The following PDZD2 variants were observed in gnomAD, a reference collection of about 807,000 sequenced individuals.
The protein encoded by PDZD2 is PDZ domain-containing protein 2.
Under a neutral mutation model 220.7 loss-of-function variants are expected in PDZD2, and 90 were observed. The observed-to-expected ratio is 0.41, with a 90% CI of 0.34 to 0.49. The LOEUF (loss-of-function observed/expected upper bound fraction) is 0.49. Among genes scored for constraint, PDZD2 ranks in the 20% least tolerant of loss-of-function variants. PDZD2 has a pLI of 0.28. For missense variants in PDZD2, 3,174 were observed against 3,608.5 expected, an observed-to-expected ratio of 0.88 and a Z score of 3.08; for synonymous variants, 1,375 against 1,450.5, an observed-to-expected ratio of 0.95 and a Z score of 1.18.
chr5:31,734,664 T>C lies in PDZD2; in HGVS notation c.-360-64225T>C, dbSNP rs374334753. The stretch of plus-strand genomic sequence containing the variant: ...GCCTCATTATGAGGCTTGATTGACC[T>C]TTGGCTTCATTGACCATTGGTGACC... On this transcript the variant is annotated intron_variant, in intron 1 of 24. Transcript: ENST00000438447. Among the ~76,000 whole-genome samples, 6 of 152,194 alleles carry C rather than the reference T, an allele frequency of 3.9e-5. No individual in the cohort carries two copies. In the East Asian group the frequency reaches 9.7e-4, roughly 25 times the overall value.
chr5:31,681,405 C>T (rs1746645292), intron 1 of PDZD2, among the ~76,000 whole-genome samples: 1 of 152,048 alleles, frequency 6.6e-6, no homozygotes, highest in South Asian at 2.1e-4. Context: ...TGTCACCATA[C>T]CCAGCTAATT....
chr5:32,066,742 C>G (rs574181107), intron 14 of PDZD2, among the ~76,000 whole-genome samples: 1 of 152,214 alleles, frequency 6.6e-6, no homozygotes, highest in African/African-American at 2.4e-5. Flanking sequence ...ATGATTTGTT[C>G]AGAGGTCTAG....
At chr5:31,913,804 A>G (rs1743416847) in intron 2 of PDZD2, among the ~76,000 whole-genome samples, 1 of 152,130 alleles carries the variant, frequency 6.6e-6, no homozygotes, top group South Asian at 2.1e-4. Context: ...GAAGGATTTT[A>G]GTTTGCATTT....
chr5:32,030,518 G>A (rs1755038245), intron 6 of PDZD2, among the ~76,000 whole-genome samples: 1 of 152,212 alleles, frequency 6.6e-6, no homozygotes, highest in African/African-American at 2.4e-5. Flanking sequence ...TTTACCTGCT[G>A]CTTAAATTAG....
intron 2 of PDZD2, among the ~76,000 whole-genome samples, chr5:31,829,904 C>T (rs543445772): frequency 2.6e-5 from 4 of 151,808 alleles, no homozygotes; most frequent in South Asian, 4.2e-4. Flanking sequence ...AAAAATTAGC[C>T]GAGTGTGGTG....
chr5:32,065,151 T>A (rs1369556084), intron 14 of PDZD2, among the ~76,000 whole-genome samples: 2 of 151,904 alleles, frequency 1.3e-5, no homozygotes, highest in Non-Finnish European at 2.9e-5. Flanking sequence ...AATACAAAAA[T>A]TAGCCAGTGT....
chr5:31,686,338 A>C (rs1746858787), intron 1 of PDZD2, among the ~76,000 whole-genome samples: 1 of 151,822 alleles, frequency 6.6e-6, no homozygotes, highest in South Asian at 2.1e-4. Context: ...ATATCTATAT[A>C]CATATTTTAA....
At chr5:31,767,422 A>G (rs1580715785) in intron 1 of PDZD2, among the ~76,000 whole-genome samples, 4 of 152,354 alleles carry the variant, frequency 2.6e-5, no homozygotes, top group African/African-American at 9.6e-5. Context: ...GGCAGTTCTC[A>G]GATGTGTCTG....
intron 1 of PDZD2, among the ~76,000 whole-genome samples, chr5:31,796,078 A>G (rs1419674270): frequency 6.6e-6 from 1 of 152,138 alleles, no homozygotes; most frequent in Non-Finnish European, 1.5e-5. Flanking sequence ...CAGTGATTGG[A>G]CATCAGATCC....
chr5:31,682,352 C>G (rs558411193), intron 1 of PDZD2, among the ~76,000 whole-genome samples: 2 of 152,238 alleles, frequency 1.3e-5, no homozygotes, highest in East Asian at 1.9e-4. Context: ...GGCAAACTGT[C>G]CCCCGGGAGA....
intron 2 of PDZD2, among the ~76,000 whole-genome samples, chr5:31,865,561 C>G (rs1738136747): frequency 6.6e-6 from 1 of 150,554 alleles, no homozygotes; most frequent in Admixed American, 6.6e-5. Flanking sequence ...ATCCTCCTGC[C>G]TCAGGTTCCC....
chr5:31,841,036 C>T (rs7730102), intron 2 of PDZD2: 3,812 of 314,764 alleles, frequency 0.012, 145 homozygotes, highest in African/African-American at 0.076. Flanking sequence ...TTTTGGTTTA[C>T]GTTTTAAAGT....
intron 9 of PDZD2, among the ~76,000 whole-genome samples, chr5:32,053,179 A>G (rs560844379): frequency 6.6e-6 from 1 of 152,352 alleles, no homozygotes; most frequent in East Asian, 1.9e-4. Context: ...TGCTAGGGCC[A>G]GAACCAAGGG....
intron 2 of PDZD2, among the ~76,000 whole-genome samples, chr5:31,930,819 C>T (rs1745215652): frequency 6.6e-6 from 1 of 152,082 alleles, no homozygotes; most frequent in South Asian, 2.1e-4. Flanking sequence ...CCTGTAATCC[C>T]AGTACTTTGG....
At position 32,062,605 on chromosome 5, in the gene PDZD2, G is replaced by T. The variant is rs541076936; in HGVS notation, c.2451+1471G>T. Among the ~76,000 whole-genome samples the T allele has an allele frequency of 3.9e-5, 6 of 152,092 alleles. 1 individual carries two copies. The highest frequency in any genetic ancestry group is 2.6e-4 in the Admixed American group (4 of 15,278). On this transcript the variant is annotated intron_variant, in intron 14 of 24. Transcript: ENST00000438447. ...GATGGGGTTTCACCATGTTGCCCAGGCTGGTCTCGAACTCCTGAGCTCAAG... is the reference window on the plus strand; with the variant it reads ...GATGGGGTTTCACCATGTTGCCCAGTCTGGTCTCGAACTCCTGAGCTCAAG...
intron 2 of PDZD2, among the ~76,000 whole-genome samples, chr5:31,907,873 A>C (rs1318189110): frequency 6.6e-6 from 1 of 152,074 alleles, no homozygotes; most frequent in Non-Finnish European, 1.5e-5. Context: ...TTACGAAGTC[A>C]GGAGTTCGAG....
chr5:31,949,610 G>T (rs1281098712), intron 2 of PDZD2, among the ~76,000 whole-genome samples: 1 of 151,266 alleles, frequency 6.6e-6, no homozygotes, highest in Non-Finnish European at 1.5e-5. Context: ...GTGTTCTTCG[G>T]GGTTAAGCAC....
intron 2 of PDZD2, among the ~76,000 whole-genome samples, chr5:31,802,032 G>T (rs1754423280): frequency 6.6e-6 from 1 of 152,146 alleles, no homozygotes; most frequent in African/African-American, 2.4e-5. Flanking sequence ...GGAATAGAAG[G>T]TGATGGGCCA....
intron 1 of PDZD2, among the ~76,000 whole-genome samples, chr5:31,663,782 G>A (rs1336172282): frequency 2.0e-5 from 3 of 152,238 alleles, no homozygotes; most frequent in African/African-American, 4.8e-5. Context: ...GGTCACTGCT[G>A]TCGTATGAAT....
Sources: gnomAD v4.1 joint callset for allele counts (sites outside exome capture counted in the v4.1 genomes callset) on GRCh38, gnomAD v4.1.1 for gene constraint, MANE v1.5 for transcripts, NCBI Gene and HGNC (gene_info 2026-07-23, HGNC 2026-07-21) for gene names.